Variants in TMEM132B observed in about 807,000 individuals in gnomAD.
TMEM132B encodes transmembrane protein 132B.
TMEM132B carries 18 observed loss-of-function variants against 90.8 expected under a neutral mutation model. The observed-to-expected ratio is 0.20, with a 90% CI of 0.14 to 0.29. The LOEUF is 0.29. Among genes scored for constraint, TMEM132B ranks in the 10% least tolerant of loss-of-function variants. The pLI is 1.00. For synonymous variants in TMEM132B, 504 were observed against 523.3 expected (o/e 0.96, Z 0.50); for missense variants, 1,096 against 1,326.8 (o/e 0.83, Z 2.70).
At chr12:125,295,013 C>G (rs1314755484) in intron 1 of TMEM132B, among the ~76,000 whole-genome samples, 1 of 152,044 alleles carries the variant, frequency 6.6e-6, no homozygotes, top group Non-Finnish European at 1.5e-5. Context: ...TATGTGTGAG[C>G]CACTCTAAGC....
rs984808649 is a variant in TMEM132B at position 125,516,473 on chromosome 12, C to T, written c.1107-2966C>T. ...TTGAGAGAAATGACTTTAAAAAAAA[C>T]CTGTACATAAAAGAAGCTCTGCCTT... is the stretch of plus-strand genomic sequence containing the variant. On this transcript the variant is annotated intron_variant, in intron 3 of 8. Coordinates refer to ENST00000682704, the MANE Select transcript of TMEM132B (RefSeq NM_001366854.1). Among the ~76,000 whole-genome samples the T allele has an allele frequency of 4.6e-5, 7 of 152,170 alleles. No individual in the cohort carries two copies. The South Asian group carries it at 1.0e-3, about 23-fold the overall frequency.
chr12:125,503,210 G>A (rs1423314466), intron 3 of TMEM132B, among the ~76,000 whole-genome samples: 1 of 152,210 alleles, frequency 6.6e-6, no homozygotes, highest in East Asian at 1.9e-4. Flanking sequence ...TGAGGCCCAA[G>A]CGCAGCCCCC....
chr12:125,427,886 T>C (rs1880366592), intron 3 of TMEM132B, among the ~76,000 whole-genome samples: 1 of 152,244 alleles, frequency 6.6e-6, no homozygotes, highest in South Asian at 2.1e-4. Flanking sequence ...TTTCTTTCTA[T>C]AGGTCTGCTG....
chr12:125,446,344 A>G (rs995359429), intron 3 of TMEM132B, among the ~76,000 whole-genome samples: 1 of 152,174 alleles, frequency 6.6e-6, no homozygotes, highest in African/African-American at 2.4e-5. Flanking sequence ...TGTATGAGCT[A>G]TTTATATATT....
chr12:125,576,395 A>G, intron 4 of TMEM132B, among the ~76,000 whole-genome samples: 1 of 151,822 alleles, frequency 6.6e-6, no homozygotes, highest in East Asian at 1.9e-4. Context: ...TAGGTATGGG[A>G]TCATGTCATC....
At chr12:125,393,462 G>C (rs1879086114) in intron 2 of TMEM132B, among the ~76,000 whole-genome samples, 1 of 152,114 alleles carries the variant, frequency 6.6e-6, no homozygotes, top group Admixed American at 6.5e-5. Flanking sequence ...ACCTGGTTTT[G>C]TGTACCTGGG....
intron 1 of TMEM132B, among the ~76,000 whole-genome samples, chr12:125,299,998 G>C (rs77826930): frequency 0.01 from 1,591 of 152,338 alleles, 15 homozygotes; most frequent in Non-Finnish European, 0.015. Flanking sequence ...AGGCCCTGCA[G>C]GGTCTGGCTC....
At chr12:125,261,615 T>C (rs910231402) in intron 1 of TMEM132B, among the ~76,000 whole-genome samples, 2 of 152,184 alleles carry the variant, frequency 1.3e-5, no homozygotes, top group East Asian at 3.8e-4. Flanking sequence ...AAAATTCAAA[T>C]TGTCATTAGT....
In TMEM132B at chr12:125,209,425, C is replaced by T. The variant is rs546429804; in HGVS notation, c.67+22559C>T. ...AGTGGCTGGTCACTGGGACAGTGCT[C>T]GACTGGGGGAAGGGGTTTGGCCCCC... On this transcript the variant is annotated intron_variant, in intron 1 of 8. Transcript: ENST00000682704. This position sits in a 1 kb window ranked among gnomAD's most constrained non-coding sequence, Gnocchi z 4.4. Among the ~76,000 whole-genome samples, 62 of 152,252 alleles carry T rather than the reference C, an allele frequency of 4.1e-4. No homozygotes were observed. Among genetic ancestry groups the T allele is most frequent in the African/African-American group, 1.4e-3 (58 of 41,540 alleles).
chr12:125,626,214 A>G (rs750312047), intron 5 of TMEM132B, among the ~76,000 whole-genome samples: 1 of 151,642 alleles, frequency 6.6e-6, no homozygotes, highest in Non-Finnish European at 1.5e-5. Flanking sequence ...TTTCTTTAAT[A>G]TGTCTTATAT....
intron 5 of TMEM132B, among the ~76,000 whole-genome samples, chr12:125,630,855 C>T (rs1020457382): frequency 1.3e-5 from 2 of 152,050 alleles, no homozygotes; most frequent in Non-Finnish European, 2.9e-5. Flanking sequence ...GCTTTCTCTT[C>T]CTGCGTTAGT....
intron 6 of TMEM132B, among the ~76,000 whole-genome samples, chr12:125,649,605 G>A (rs1566101537): frequency 6.6e-6 from 1 of 152,184 alleles, no homozygotes; most frequent in Non-Finnish European, 1.5e-5. Flanking sequence ...GGCGATGGAT[G>A]TCCGCTCTCA....
chr12:125,270,215 C>T (rs1490741303), intron 1 of TMEM132B, among the ~76,000 whole-genome samples: 1 of 151,794 alleles, frequency 6.6e-6, no homozygotes, highest in Non-Finnish European at 1.5e-5. Context: ...CAGCTCACTG[C>T]AGCCTCGAAC....
intron 1 of TMEM132B, among the ~76,000 whole-genome samples, chr12:125,233,196 A>C (rs1873863358): frequency 6.6e-6 from 1 of 152,222 alleles, no homozygotes; most frequent in South Asian, 2.1e-4. Flanking sequence ...GTCATGTAGA[A>C]GTAGGTTTGG....
chr12:125,259,808 G>T (rs148044557), intron 1 of TMEM132B, among the ~76,000 whole-genome samples: 2 of 152,138 alleles, frequency 1.3e-5, no homozygotes, highest in Admixed American at 6.5e-5. Context: ...ATGAGAACGC[G>T]CATACTGGTA....
intron 3 of TMEM132B, among the ~76,000 whole-genome samples, chr12:125,479,918 A>G (rs1233841579): frequency 1.3e-5 from 2 of 152,244 alleles, no homozygotes; most frequent in Admixed American, 6.5e-5. Flanking sequence ...CTCTCAGACC[A>G]CAGTGCAATC....
intron 1 of TMEM132B, among the ~76,000 whole-genome samples, chr12:125,241,139 C>G (rs1271285992): frequency 6.6e-6 from 1 of 152,042 alleles, no homozygotes; most frequent in Non-Finnish European, 1.5e-5. Context: ...CAAAAGAAAC[C>G]AATTTTATTG....
intron 1 of TMEM132B, among the ~76,000 whole-genome samples, chr12:125,206,461 C>T (rs961766162): frequency 6.6e-6 from 1 of 152,266 alleles, no homozygotes; most frequent in South Asian, 2.1e-4. Flanking sequence ...TGGTCTTGAA[C>T]TCCTGGTCTC....
intron 3 of TMEM132B, among the ~76,000 whole-genome samples, chr12:125,426,804 C>T (rs1258791122): frequency 2.0e-5 from 3 of 152,148 alleles, no homozygotes; most frequent in African/African-American, 4.8e-5. Context: ...AATCAGAGTT[C>T]GAGATGCTGG....
Sources: gnomAD v4.1 joint callset for allele counts (sites outside exome capture counted in the v4.1 genomes callset) on GRCh38, gnomAD v4.1.1 for gene constraint, Gnocchi (gnomAD v3.1) non-coding constraint, MANE v1.5 for transcripts, NCBI Gene and HGNC (gene_info 2026-07-23, HGNC 2026-07-21) for gene names.